The following TSEN2 variants were observed in gnomAD, a reference collection of about 807,000 sequenced individuals.
TSEN2 encodes the protein tRNA splicing endonuclease subunit 2, also known as tRNA-splicing endonuclease subunit Sen2.
A neutral mutation model predicts 59.2 loss-of-function variants in TSEN2; 54 were observed. The observed-to-expected ratio is 0.91, with a 90% CI of 0.73 to 1.14. The LOEUF is 1.14. TSEN2 is among the 50% of genes most tolerant of loss of function. The pLI is 0.00. For synonymous variants in TSEN2, 195 were observed against 198.2 expected, an observed-to-expected ratio of 0.98 and a Z score of 0.14; for missense variants, 636 against 576.2, an observed-to-expected ratio of 1.10 and a Z score of -1.06.
intron 6 of TSEN2, among the ~76,000 whole-genome samples, chr3:12,516,378 ATG>A (rs1270446413): frequency 6.6e-6 from 1 of 151,952 alleles, no homozygotes; most frequent in Non-Finnish European, 1.5e-5. Flanking sequence ...GTGAGCGGAG[ATG>A]TGCCACCGCA....
intron 6 of TSEN2, 166 bp downstream of exon 6, chr3:12,505,397 T>G (rs914771857): frequency 1.3e-5 from 8 of 633,678 alleles, no homozygotes; most frequent in Non-Finnish European, 2.0e-5. Flanking sequence ...TGCCTTTCAC[T>G]CCTCAGCCTT....
chr3:12,513,979 G>C (rs1204976576), intron 6 of TSEN2, among the ~76,000 whole-genome samples: 1 of 152,162 alleles, frequency 6.6e-6, no homozygotes, highest in Non-Finnish European at 1.5e-5. Context: ...TGTCTTTTTT[G>C]TCTTTCAACA....
At chr3:12,520,340 A>G (rs557906547) in intron 8 of TSEN2, among the ~76,000 whole-genome samples, 19 of 152,298 alleles carry the variant, frequency 1.2e-4, no homozygotes, top group African/African-American at 4.3e-4. Flanking sequence ...GTTTAGAAAA[A>G]GTAGGTCATT....
At chr3:12,507,038 C>A (rs916997690) in intron 6 of TSEN2, among the ~76,000 whole-genome samples, 10 of 152,006 alleles carry the variant, frequency 6.6e-5, no homozygotes, top group Non-Finnish European at 1.3e-4. Context: ...ACTAAAAATA[C>A]AAAAATTAGC....
chr3:12,499,597 C>G (rs142509739), intron 4 of TSEN2, among the ~76,000 whole-genome samples: 1 of 152,144 alleles, frequency 6.6e-6, no homozygotes, highest in Non-Finnish European at 1.5e-5. Flanking sequence ...GTTTCTGTTT[C>G]GTAGATGGGG....
chr3:12,521,214 TA>T (rs566106881), intron 8 of TSEN2, among the ~76,000 whole-genome samples: 136 of 152,258 alleles, frequency 8.9e-4, no homozygotes, highest in African/African-American at 3.1e-3. Context: ...AGATAATGAC[TA>T]AAGGTCTGCT....
At chr3:12,488,064 C>G (rs2052808854) in intron 1 of TSEN2, among the ~76,000 whole-genome samples, 1 of 152,140 alleles carries the variant, frequency 6.6e-6, no homozygotes, top group Non-Finnish European at 1.5e-5. Context: ...TCATATAATT[C>G]CTCAGCTTCT....
chr3:12,491,964 A>G (rs538323978), intron 2 of TSEN2, among the ~76,000 whole-genome samples, 172 bp from the exon 3 acceptor site: 2 of 152,346 alleles, frequency 1.3e-5, no homozygotes, highest in South Asian at 2.1e-4. Context: ...TAGACTATAT[A>G]TAAATACTGC....
In TSEN2 at chr3:12,503,559, A is replaced by G. The variant is rs112207610; in HGVS notation, c.606A>G (p.Thr202=). Residue 202 remains threonine (T), a synonymous_variant, in exon 5 of 12, where the codon ACA becomes ACG. Coordinates refer to ENST00000284995, the MANE Select transcript of TSEN2 (RefSeq NM_025265.4). ...AGGAGGGCTCTGGCTGCCACCCAAC[A>G]ACAGAGAGCTTTGAGAAAAGCGTGC... is the stretch of plus-strand genomic sequence containing the variant. ...CLQEGSGCHP[T]TESFEKSVRE... 1.2e-6 allele frequency: 2 copies of G among 1,609,196 alleles called. No individual in the cohort carries two copies.
intron 10 of TSEN2, 104 bp downstream of exon 10, chr3:12,529,977 A>G (rs2057359637): frequency 6.6e-7 from 1 of 1,523,932 alleles, no homozygotes; most frequent in Non-Finnish European, 8.8e-7. Context: ...TAGAAACTTC[A>G]TAACATTCCT....
chr3:12,530,079 C>T (rs1575470400), intron 10 of TSEN2: 4 of 1,424,570 alleles, frequency 2.8e-6, no homozygotes, highest in Non-Finnish European at 3.6e-6. Flanking sequence ...TTTATTGTCC[C>T]CTCCCTCCCA....
intron 1 of TSEN2, among the ~76,000 whole-genome samples, chr3:12,486,316 A>T (rs1404254584): frequency 6.6e-6 from 1 of 152,214 alleles, no homozygotes; most frequent in East Asian, 1.9e-4. Context: ...GGAATGGTAA[A>T]TGCAGTCTTT....
At chr3:12,487,883 A>G (rs1575206230) in intron 1 of TSEN2, among the ~76,000 whole-genome samples, 2 of 152,370 alleles carry the variant, frequency 1.3e-5, no homozygotes, top group East Asian at 1.9e-4. Context: ...AATGCTCAGT[A>G]TGTAATTCCT....
At chr3:12,508,897 G>C (rs2055121980) in intron 6 of TSEN2, among the ~76,000 whole-genome samples, 1 of 152,108 alleles carries the variant, frequency 6.6e-6, no homozygotes, top group African/African-American at 2.4e-5. Context: ...GTTTCTCTCT[G>C]TTGCCCAGGC....
rs752522842 is a variant in TSEN2 at position 12,503,259 on chromosome 3, C to G, written c.309-3C>G. On this transcript the variant is annotated splice_region_variant and splice_polypyrimidine_tract_variant and intron_variant, in intron 4 of 11. Transcript: ENST00000284995. The stretch of plus-strand genomic sequence containing the variant: ...TGTTTCTAACAGTATTTCTGTCTTG[C>G]AGGTATCAGCATAGTGTTGAGTGGG... The G allele has an allele frequency of 6.2e-7, 1 of 1,614,050 alleles. No homozygotes were observed. The highest frequency in any genetic ancestry group is 1.7e-5 in the Admixed American group (1 of 60,010).
At chr3:12,527,083 C>G (rs2057141182) in intron 8 of TSEN2, among the ~76,000 whole-genome samples, 1 of 152,172 alleles carries the variant, frequency 6.6e-6, no homozygotes, top group African/African-American at 2.4e-5. Context: ...CACTTTTGTT[C>G]CAGTACATGG....
At chr3:12,529,036 G>C in intron 9 of TSEN2, 112 bp downstream of exon 9, 1 of 1,006,472 alleles carries the variant, frequency 9.9e-7, no homozygotes, top group Non-Finnish European at 1.6e-6. Flanking sequence ...TTCCTGGCCT[G>C]ATACGAATAG....
intron 5 of TSEN2, among the ~76,000 whole-genome samples, chr3:12,504,105 A>G (rs17769387): frequency 0.028 from 4,229 of 152,328 alleles, 97 homozygotes; most frequent in Non-Finnish European, 0.042. Flanking sequence ...GAAGTCAGCC[A>G]TCTTGAGAAA....
chr3:12,533,890 T>C (rs1307080283), downstream of TSEN2, among the ~76,000 whole-genome samples: 1 of 152,000 alleles, frequency 6.6e-6, no homozygotes, highest in African/African-American at 2.4e-5. Flanking sequence ...ATAGCAAACA[T>C]TTGGAGAGTG....
Sources: allele counts gnomAD v4.1 joint callset (sites outside exome capture counted in the v4.1 genomes callset), GRCh38; gene constraint gnomAD v4.1.1; transcripts MANE v1.5; gene names NCBI Gene and HGNC (gene_info 2026-07-23, HGNC 2026-07-21).